ARHGEF4: variants seen among roughly 807,000 people sequenced by gnomAD.
The protein encoded by ARHGEF4 is Rho guanine nucleotide exchange factor 4.
Under a neutral mutation model 162.0 loss-of-function variants are expected in ARHGEF4, and 119 were observed. The ratio of observed to expected loss-of-function variants is 0.73; its 90% CI spans 0.63 to 0.86. The LOEUF (loss-of-function observed/expected upper bound fraction) is 0.86. Among genes scored for constraint, ARHGEF4 ranks in the 40% least tolerant of loss-of-function variants. The probability of loss-of-function intolerance (pLI) is 0.00; values close to 1 mark genes in which losing one functional copy is unlikely to be tolerated. For synonymous variants in ARHGEF4, 1,014 were observed against 979.9 expected (o/e 1.03, Z -0.65); for missense variants, 2,488 against 2,456.0 (o/e 1.01, Z -0.28).
rs533297292 is a variant in ARHGEF4 at position 130,907,956 on chromosome 2, C to CA, written c.40-6015dup. 3.8e-3 allele frequency among the ~76,000 whole-genome samples: 468 copies of CA among 123,090 alleles called. 2 individuals carry two copies. The highest frequency in any genetic ancestry group is 7.6e-3 in the African/African-American group (251 of 32,946). The allele number at this position is 123,090 out of a possible 152,430, so 80.8% of individuals were successfully genotyped here. The stretch of plus-strand genomic sequence containing the variant: ...TGGGAGACAAAGCAAGACTCTGTCT[C>CA]AAAAAAAAAAAAAAATTTACATACT... On this transcript the variant is annotated intron_variant, in intron 1 of 13. Transcript: ENST00000409359.
intron 1 of ARHGEF4, among the ~76,000 whole-genome samples, chr2:130,887,791 C>T (rs1319973881): frequency 6.6e-6 from 1 of 152,168 alleles, no homozygotes; most frequent in Non-Finnish European, 1.5e-5. Flanking sequence ...GCTGTCCTCA[C>T]CATGTGGTCT....
intron 4 of ARHGEF4, among the ~76,000 whole-genome samples, chr2:131,009,630 A>G (rs968498416): frequency 3.3e-5 from 5 of 152,152 alleles, no homozygotes; most frequent in Admixed American, 6.5e-5. Context: ...TCTTCAGTTC[A>G]GCCTATTCAG....
chr2:130,907,373 C>T (rs1272533308), intron 1 of ARHGEF4, among the ~76,000 whole-genome samples: 5 of 151,864 alleles, frequency 3.3e-5, no homozygotes, highest in Admixed American at 6.6e-5. Context: ...TGCCACCATG[C>T]TCAACTAATA....
At position 130,916,239 on chromosome 2, in the gene ARHGEF4, C is replaced by T. The variant is rs1157673406; in HGVS notation, c.2293C>T (p.Gln765Ter). The T allele has an allele frequency of 6.5e-7, 1 of 1,530,692 alleles. No homozygotes were observed. The highest frequency in any genetic ancestry group is 8.8e-7 in the Non-Finnish European group (1 of 1,140,300). 94.8% of individuals were successfully genotyped at this position (1,530,692 alleles called of 1,614,324 possible). A position where few individuals can be genotyped will look rare whatever the true frequency, so the allele number is the denominator to read the frequency against. The change falls in exon 2 of 14, where the codon CAG (glutamine) becomes TAG (stop). Residue 765 changes from glutamine to a stop codon, truncating the protein, a stop_gained. Coordinates refer to ENST00000409359, the MANE Select transcript of ARHGEF4 (RefSeq NM_001367493.1). LOFTEE classifies it high-confidence loss of function. The part of the protein sequence containing the change: ...PEGGAAAARG[Q>*]RPRVPALEPP... ...AGGCGGTGCTGCAGCAGCCCGGGGC[C>T]AGCGCCCCCGCGTCCCCGCCTTGGA...
In ARHGEF4 at chr2:130,923,902, A is replaced by G. The variant is rs559885181; in HGVS notation, c.3552+6404A>G. ...TTTCTTTTCTTTTTTTTTTTTTGAG[A>G]CGGAGTCTTGCTGTGTCGCCCAGGC... On this transcript the variant is annotated intron_variant, in intron 2 of 13. Transcript: ENST00000409359. Among the ~76,000 whole-genome samples the G allele has an allele frequency of 7.1e-5, 10 of 141,044 alleles. No homozygotes were observed. The South Asian group carries it at 2.0e-3, about 29-fold the overall frequency. 92.5% of individuals were successfully genotyped at this position (141,044 alleles called of 152,430 possible). A position where few individuals can be genotyped will look rare whatever the true frequency, so the allele number is the denominator to read the frequency against.
intron 4 of ARHGEF4, among the ~76,000 whole-genome samples, chr2:130,951,018 G>C (rs1683927369): frequency 6.6e-6 from 1 of 152,168 alleles, no homozygotes. Context: ...ACCTCTGCTA[G>C]GTTTAGACTT....
chr2:131,045,028 C>T (rs1285585622), intron 12 of ARHGEF4, among the ~76,000 whole-genome samples: 1 of 152,184 alleles, frequency 6.6e-6, no homozygotes, highest in South Asian at 2.1e-4. Context: ...CCACATTACC[C>T]GCCACAGTGA....
chr2:130,839,107 A>G lies in ARHGEF4; in HGVS notation c.39+2115A>G, dbSNP rs894496445. Reference sequence around the variant, plus strand: ...AGAGGGTCTCCTTTCTGCTGTCCACATGGGAGGGGCTCTGACTGCCACAGC... The same window carrying G: ...AGAGGGTCTCCTTTCTGCTGTCCACGTGGGAGGGGCTCTGACTGCCACAGC... On this transcript the variant is annotated intron_variant, in intron 1 of 13. Transcript: ENST00000409359. Among the ~76,000 whole-genome samples the G allele has an allele frequency of 6.6e-5, 10 of 152,000 alleles. No individual in the cohort carries two copies. The East Asian group carries it at 1.9e-3, about 29-fold the overall frequency.
Position 130,926,042 on chromosome 2 carries a change from T to TTC in ARHGEF4, c.3553-4908_3553-4907dup, listed in dbSNP as rs1278374161. Among the ~76,000 whole-genome samples the TTC allele has an allele frequency of 1.5e-3, 166 of 112,868 alleles. 1 individual carries two copies. The highest frequency in any genetic ancestry group is 6.5e-3 in the African/African-American group (134 of 20,566). 74.0% of individuals were successfully genotyped at this position (112,868 alleles called of 152,430 possible). ...TTTCTTTCTTTCTTTCTTTCTTTCT[T>TTC]TCTTTCTCTTTCTTTCTTTCTTTCT... On this transcript the variant is annotated intron_variant, in intron 2 of 13. Transcript: ENST00000409359.
chr2:130,844,230 C>T (rs1261933455), intron 1 of ARHGEF4, among the ~76,000 whole-genome samples: 1 of 152,270 alleles, frequency 6.6e-6, no homozygotes, highest in Non-Finnish European at 1.5e-5. Context: ...ATGGGCTGCC[C>T]CTCACCTTCT....
rs575350674 is a variant in ARHGEF4, at chr2:131,045,822, C to A, written c.5480-216C>A. 153 of 1,435,050 alleles carry A rather than the reference C, an allele frequency of 1.1e-4. 1 individual carries two copies. The highest frequency in any genetic ancestry group is 1.3e-4 in the Non-Finnish European group (143 of 1,099,488). 88.9% of individuals were successfully genotyped at this position (1,435,050 alleles called of 1,614,324 possible). ...CCTTTGCACAGGCCACCCCCCTCTT[C>A]AGGCTGCTGCAGGAGGCCAGGCCCA... On this transcript the variant is annotated intron_variant, in intron 13 of 13. Coordinates refer to ENST00000409359, the MANE Select transcript of ARHGEF4 (RefSeq NM_001367493.1).
chr2:130,912,491 T>C (rs1160540151), intron 1 of ARHGEF4, among the ~76,000 whole-genome samples: 1 of 152,248 alleles, frequency 6.6e-6, no homozygotes, highest in East Asian at 1.9e-4. Context: ...TTAAGAGCAC[T>C]GGCTTTGGTG....
At chr2:131,044,267 C>A in intron 11 of ARHGEF4, 32 bp from the exon 12 acceptor site, 1 of 1,607,634 alleles carries the variant, frequency 6.2e-7, no homozygotes, top group South Asian at 1.1e-5. Flanking sequence ...GGGAGCGGTT[C>A]AGCAGCCAGG....
chr2:131,038,767 A>G, intron 5 of ARHGEF4, 86 bp from the exon 6 acceptor site: 2 of 1,438,106 alleles, frequency 1.4e-6, no homozygotes, highest in Non-Finnish European at 9.3e-7. Context: ...CCCTCTTCCC[A>G]GGGCTGCTGA....
At chr2:130,985,927 G>A (rs888207938) in intron 4 of ARHGEF4, among the ~76,000 whole-genome samples, 2 of 151,742 alleles carry the variant, frequency 1.3e-5, no homozygotes, top group African/African-American at 4.8e-5. Flanking sequence ...CGTAGGGTGT[G>A]TTGCATGTGT....
Position 131,043,391 on chromosome 2 carries a change from C to T in ARHGEF4, c.5026-61C>T. 6 of 1,603,514 alleles carry T rather than the reference C, an allele frequency of 3.7e-6. No homozygotes were observed. The South Asian group carries it at 6.6e-5, about 18-fold the overall frequency. On this transcript the variant is annotated intron_variant, in intron 10 of 13. Transcript: ENST00000409359. ...GTGCGCCACCCACCCATGATGGGGG[C>T]AGGAAGTGGAGCCCACGGTTGGGTA...
At chr2:131,039,366 A>G in intron 6 of ARHGEF4, 3 of 1,102,652 alleles carry the variant, frequency 2.7e-6, no homozygotes, top group Non-Finnish European at 3.3e-6. Context: ...CTCACCTCAC[A>G]CACAGCCCCG....
intron 2 of ARHGEF4, among the ~76,000 whole-genome samples, chr2:130,922,923 G>T (rs1489489058): frequency 4.1e-5 from 6 of 145,568 alleles, no homozygotes; most frequent in East Asian, 2.0e-4. Context: ...CCTCTTTAAT[G>T]ATATATATAT....
At chr2:130,843,940 C>T (rs1197454355) in intron 1 of ARHGEF4, among the ~76,000 whole-genome samples, 1 of 152,102 alleles carries the variant, frequency 6.6e-6, no homozygotes, top group African/African-American at 2.4e-5. Context: ...CAGCCCTGCT[C>T]TCCAGGTATG....
Sources: gnomAD v4.1 joint callset for allele counts (sites outside exome capture counted in the v4.1 genomes callset) on GRCh38, gnomAD v4.1.1 for gene constraint, MANE v1.5 for transcripts, NCBI Gene and HGNC (gene_info 2026-07-23, HGNC 2026-07-21) for gene names.